Variants in LRRTM4 observed in about 807,000 individuals in gnomAD.
LRRTM4 encodes leucine rich repeat transmembrane neuronal 4.
Under a neutral mutation model 47.6 loss-of-function variants are expected in LRRTM4, and 25 were observed. That is an observed-to-expected ratio of 0.53 (90% CI 0.38 to 0.73). The LOEUF is 0.73. LRRTM4 is among the 30% of genes least tolerant of loss of function. LRRTM4 has a pLI of 0.00. For synonymous variants in LRRTM4, 311 were observed against 269.5 expected, an observed-to-expected ratio of 1.15 and a Z score of -1.51; for missense variants, 638 against 713.4, an observed-to-expected ratio of 0.89 and a Z score of 1.20.
chr2:76,903,014 A>T (rs1673695097), intron 3 of LRRTM4, among the ~76,000 whole-genome samples: 1 of 152,174 alleles, frequency 6.6e-6, no homozygotes, highest in Admixed American at 6.5e-5. Flanking sequence ...CAAATTCCAC[A>T]ATTTCTCAAT....
intron 3 of LRRTM4, among the ~76,000 whole-genome samples, chr2:77,130,504 ATAAT>A (rs902119604): frequency 2.0e-5 from 3 of 151,140 alleles, no homozygotes; most frequent in African/African-American, 7.2e-5. Context: ...ACTATAATAA[ATAAT>A]TATTTTTATT....
chr2:76,956,991 A>G (rs147914060), intron 3 of LRRTM4, among the ~76,000 whole-genome samples: 67 of 151,894 alleles, frequency 4.4e-4, no homozygotes, highest in African/African-American at 1.6e-3. Flanking sequence ...CATTACTAAC[A>G]ATAAACAAGA....
chr2:77,153,902 T>C (rs1332879780), intron 3 of LRRTM4, among the ~76,000 whole-genome samples: 2 of 152,200 alleles, frequency 1.3e-5, no homozygotes, highest in African/African-American at 2.4e-5. Flanking sequence ...TACTGGTCCA[T>C]AGTTGACATC....
intron 3 of LRRTM4, among the ~76,000 whole-genome samples, chr2:77,004,968 TTA>T (rs1491495511): frequency 5.3e-5 from 8 of 152,152 alleles, no homozygotes; most frequent in African/African-American, 1.9e-4. Context: ...ATGGGTATAT[TTA>T]CCAATGCCTG....
At chr2:77,455,662 T>C (rs1676503919) in intron 3 of LRRTM4, among the ~76,000 whole-genome samples, 2 of 152,102 alleles carry the variant, frequency 1.3e-5, no homozygotes, top group Non-Finnish European at 2.9e-5. Flanking sequence ...CTCTCTCTCA[T>C]TTATTTACTA....
At chr2:77,045,219 T>G (rs1438277378) in intron 3 of LRRTM4, among the ~76,000 whole-genome samples, 1 of 150,756 alleles carries the variant, frequency 6.6e-6, no homozygotes, top group Admixed American at 6.6e-5. Context: ...TTTTAAATGT[T>G]TGTTACAAAA....
chr2:77,257,366 A>G (rs772552614), intron 3 of LRRTM4, among the ~76,000 whole-genome samples: 1 of 152,070 alleles, frequency 6.6e-6, no homozygotes, highest in Non-Finnish European at 1.5e-5. Flanking sequence ...AGAGTGCAAA[A>G]TAAACTTTAT....
chr2:77,189,261 A>T (rs1350957269), intron 3 of LRRTM4, among the ~76,000 whole-genome samples: 1 of 152,234 alleles, frequency 6.6e-6, no homozygotes, highest in African/African-American at 2.4e-5. Flanking sequence ...AAGTCAAGAC[A>T]TTGTCTATAA....
chr2:77,373,478 A>G (rs1353588445), intron 3 of LRRTM4, among the ~76,000 whole-genome samples: 1 of 151,742 alleles, frequency 6.6e-6, no homozygotes. Context: ...GCTACATTTT[A>G]AGGTCTTCTC....
intron 3 of LRRTM4, among the ~76,000 whole-genome samples, chr2:77,321,039 ATAT>A (rs1677772883): frequency 6.6e-6 from 1 of 152,118 alleles, no homozygotes; most frequent in Non-Finnish European, 1.5e-5. Context: ...TCATGGCAAA[ATAT>A]TATCCTTATT....
chr2:76,970,630 C>G (rs1676187232), intron 3 of LRRTM4, among the ~76,000 whole-genome samples: 1 of 152,004 alleles, frequency 6.6e-6, no homozygotes, highest in South Asian at 2.1e-4. Flanking sequence ...CGATTTCTCA[C>G]AAAAGGAAAA....
chr2:77,103,667 A>ATATGTATATATATATATATC (rs1553389713), intron 3 of LRRTM4, among the ~76,000 whole-genome samples: 12 of 146,284 alleles, frequency 8.2e-5, no homozygotes, highest in African/African-American at 3.1e-4. Flanking sequence ...ATATATAGAT[A>ATATGTATATATATATATATC]TATATATCAC....
chr2:77,315,956 T>C (rs931558737), intron 3 of LRRTM4, among the ~76,000 whole-genome samples: 3 of 152,162 alleles, frequency 2.0e-5, no homozygotes, highest in African/African-American at 7.2e-5. Context: ...TTAGCAAACA[T>C]AGGTAACCTG....
chr2:77,318,058 G>T (rs1373661558), intron 3 of LRRTM4, among the ~76,000 whole-genome samples: 5 of 139,042 alleles, frequency 3.6e-5, no homozygotes, highest in South Asian at 4.5e-4. Context: ...CCAGGCTGGA[G>T]TGCAGTGGCG....
intron 3 of LRRTM4, among the ~76,000 whole-genome samples, chr2:77,292,040 T>A (rs895683604): frequency 6.6e-6 from 1 of 151,806 alleles, no homozygotes; most frequent in Non-Finnish European, 1.5e-5. Context: ...GCAAAGGACA[T>A]GAACAGACAC....
At chr2:77,060,292 G>A (rs1679743964) in intron 3 of LRRTM4, among the ~76,000 whole-genome samples, 1 of 152,058 alleles carries the variant, frequency 6.6e-6, no homozygotes, top group African/African-American at 2.4e-5. Context: ...TTTTTTGGGG[G>A]TGTGGCATTT....
intron 3 of LRRTM4, among the ~76,000 whole-genome samples, chr2:77,437,079 C>T (rs902796158): frequency 1.3e-5 from 2 of 151,932 alleles, no homozygotes; most frequent in African/African-American, 4.8e-5. Context: ...AAAGAACCCA[C>T]AATATAGTGA....
At chr2:77,100,167 G>A (rs1343081740) in intron 3 of LRRTM4, among the ~76,000 whole-genome samples, 1 of 152,006 alleles carries the variant, frequency 6.6e-6, no homozygotes. Flanking sequence ...TGATAATGTT[G>A]ACTGCGATAG....
chr2:77,452,686 C>T (rs1206115356), intron 3 of LRRTM4, among the ~76,000 whole-genome samples: 1 of 152,044 alleles, frequency 6.6e-6, no homozygotes. Context: ...AACAAGAGGC[C>T]CTGCATTTTC....
Sources: allele counts gnomAD v4.1 joint callset (sites outside exome capture counted in the v4.1 genomes callset), GRCh38; gene constraint gnomAD v4.1.1; transcripts MANE v1.5; gene names NCBI Gene and HGNC (gene_info 2026-07-23, HGNC 2026-07-21).